The following STXBP5 variants were observed in gnomAD, a reference collection of about 807,000 sequenced individuals.
STXBP5 encodes the protein syntaxin binding protein 5, also known as syntaxin-binding protein 5.
Under a neutral mutation model 152.4 loss-of-function variants are expected in STXBP5, and 50 were observed. That is an observed-to-expected ratio of 0.33 (90% confidence interval 0.26 to 0.42). The LOEUF is 0.42. STXBP5 is among the 10% of genes least tolerant of loss of function. The pLI is 1.00. For synonymous variants in STXBP5, 492 were observed against 494.7 expected (o/e 0.99, Z 0.07); for missense variants, 1,167 against 1,388.6 (o/e 0.84, Z 2.54).
chr6:147,285,055 G>A (rs1330695131), intron 8 of STXBP5, among the ~76,000 whole-genome samples: 1 of 152,044 alleles, frequency 6.6e-6, no homozygotes, highest in East Asian at 1.9e-4. Context: ...GAATCAATAG[G>A]ACTTAAACCA....
intron 8 of STXBP5, among the ~76,000 whole-genome samples, chr6:147,287,548 A>G (rs896545170): frequency 3.9e-5 from 6 of 152,128 alleles, no homozygotes; most frequent in Non-Finnish European, 7.4e-5. Context: ...GATTGTTTGT[A>G]ACTCCTTTTT....
At chr6:147,369,923 C>G (rs1785465465) in intron 25 of STXBP5, among the ~76,000 whole-genome samples, 1 of 151,530 alleles carries the variant, frequency 6.6e-6, no homozygotes, top group African/African-American at 2.4e-5. Context: ...CCACTTTACT[C>G]ATTTTTTTTA....
At chr6:147,243,804 T>C (rs1222321210) in intron 4 of STXBP5, among the ~76,000 whole-genome samples, 1 of 151,542 alleles carries the variant, frequency 6.6e-6, no homozygotes, top group Non-Finnish European at 1.5e-5. Flanking sequence ...TTTTTAATTC[T>C]TTTTTTTGCT....
At chr6:147,317,361 G>A (rs1190996995) in intron 16 of STXBP5, among the ~76,000 whole-genome samples, 1 of 152,068 alleles carries the variant, frequency 6.6e-6, no homozygotes. Flanking sequence ...AAAATACAGA[G>A]TTTTAGAAAA....
At position 147,307,793 on chromosome 6, in the gene STXBP5, T is replaced by A. The variant is rs79746729; in HGVS notation, c.918-2291T>A. Among the ~76,000 whole-genome samples the A allele has an allele frequency of 8.9e-4, 135 of 152,320 alleles. 3 individuals carry two copies. In the East Asian group the frequency reaches 0.019, roughly 21 times the overall value. On this transcript the variant is annotated intron_variant, in intron 9 of 27. Transcript: ENST00000321680. Reference sequence around the variant, plus strand: ...GCATTTCTTTCAAACTGTTTCTCTTTTGTAAATATAAGTTTAGAAAATAAG... The same window carrying A: ...GCATTTCTTTCAAACTGTTTCTCTTATGTAAATATAAGTTTAGAAAATAAG...
intron 5 of STXBP5, among the ~76,000 whole-genome samples, chr6:147,261,846 C>A (rs1419377351): frequency 6.6e-6 from 1 of 151,632 alleles, no homozygotes; most frequent in East Asian, 1.9e-4. Context: ...ACTTCTTTTT[C>A]TCTGAGCAGA....
chr6:147,258,510 T>C (rs1456465307), intron 4 of STXBP5, among the ~76,000 whole-genome samples: 1 of 151,328 alleles, frequency 6.6e-6, no homozygotes, highest in Non-Finnish European at 1.5e-5. Context: ...CTCGGCTCAC[T>C]GCAAGCTCCG....
At chr6:147,366,232 C>A (rs1306893459) in intron 25 of STXBP5, among the ~76,000 whole-genome samples, 1 of 152,176 alleles carries the variant, frequency 6.6e-6, no homozygotes. Context: ...TCAGCACGTA[C>A]ACGTGACTAA....
intron 9 of STXBP5, among the ~76,000 whole-genome samples, chr6:147,295,783 TCC>T (rs879318069): frequency 5.3e-5 from 8 of 152,162 alleles, no homozygotes; most frequent in Non-Finnish European, 1.0e-4. Context: ...TCAAGGAATT[TCC>T]ATGAAGCTGC....
rs1232320293 is a variant in STXBP5 at position 147,271,077 on chromosome 6, C to T, written c.714+3910C>T. On this transcript the variant is annotated intron_variant, in intron 7 of 27. Transcript: ENST00000321680. ...GAAGGGAACAAAGAATAGATGGAAG[C>T]AACAGTGAACAAACAGCAAGATGGT... 2.0e-5 allele frequency among the ~76,000 whole-genome samples: 3 copies of T among 152,000 alleles called. No individual in the cohort carries two copies. The East Asian group carries it at 5.8e-4, about 29-fold the overall frequency.
In STXBP5 at chr6:147,364,062, G is replaced by A. The variant is rs752251760; in HGVS notation, c.2977G>A (p.Ala993Thr). 1 of 1,613,966 alleles carries A rather than the reference G, an allele frequency of 6.2e-7. No individual in the cohort carries two copies. The highest frequency in any genetic ancestry group is 8.5e-7 in the Non-Finnish European group (1 of 1,179,982). ...CTTGCCCCTTACCAATATGCGGATA[G>A]CCAGAACGTTCTGCTTTACCAACAA... ...YYLPLTNMRI[A>T]RTFCFTNNGQ... The change falls in exon 25 of 28, where the codon GCC (alanine) becomes ACC (threonine). Residue 993 changes from alanine to threonine, a missense_variant. By Grantham distance (58) the Ala-to-Thr change is moderately conservative (BLOSUM62 0). Around this residue, in one of 3 missense-constraint regions of STXBP5, gnomAD observed 833 missense variants for 986.3 expected, o/e 0.84. Coordinates refer to ENST00000321680, the MANE Select transcript of STXBP5 (RefSeq NM_001127715.4).
At chr6:147,354,409 T>A (rs578044428) in intron 22 of STXBP5, among the ~76,000 whole-genome samples, 1 of 151,990 alleles carries the variant, frequency 6.6e-6, no homozygotes, top group Non-Finnish European at 1.5e-5. Flanking sequence ...GGAACAAGAG[T>A]TAATCATAGA....
intron 8 of STXBP5, among the ~76,000 whole-genome samples, chr6:147,289,782 T>TA (rs1277594345): frequency 1.3e-5 from 2 of 151,950 alleles, no homozygotes; most frequent in Non-Finnish European, 2.9e-5. Context: ...AATACGGTCT[T>TA]ACGCTGCTGA....
intron 4 of STXBP5, among the ~76,000 whole-genome samples, chr6:147,247,912 A>G (rs1283934877): frequency 6.6e-6 from 1 of 152,186 alleles, no homozygotes; most frequent in Non-Finnish European, 1.5e-5. Context: ...GTATAAAAAG[A>G]TTATATAAAA....
chr6:147,357,431 G>A (rs1784864968), intron 22 of STXBP5, among the ~76,000 whole-genome samples: 1 of 151,972 alleles, frequency 6.6e-6, no homozygotes, highest in Non-Finnish European at 1.5e-5. Flanking sequence ...AGGCCAGGAG[G>A]GTAGATTAAA....
chr6:147,216,428 C>T (rs1236313260), intron 2 of STXBP5, among the ~76,000 whole-genome samples: 7 of 151,950 alleles, frequency 4.6e-5, no homozygotes, highest in South Asian at 2.1e-4. Context: ...TCATAAGGCT[C>T]CCAGAATAAA....
intron 22 of STXBP5, 32 bp from the exon 23 acceptor site, chr6:147,359,052 G>C: frequency 4.4e-6 from 7 of 1,599,514 alleles, no homozygotes; most frequent in Non-Finnish European, 5.1e-6. Flanking sequence ...TTTATAACTT[G>C]AGCAATCTCA....
intron 15 of STXBP5, among the ~76,000 whole-genome samples, chr6:147,315,968 A>T (rs1274306604): frequency 3.3e-5 from 5 of 152,224 alleles, no homozygotes; most frequent in Non-Finnish European, 4.4e-5. Flanking sequence ...GCTAATATGA[A>T]TATGAGTATA....
intron 13 of STXBP5, 67 bp downstream of exon 13, chr6:147,314,398 G>T (rs1782537769): frequency 2.7e-6 from 4 of 1,455,170 alleles, no homozygotes; most frequent in Non-Finnish European, 2.9e-6. Context: ...GAGACTACAT[G>T]AATGTTAACT....
Sources: allele counts gnomAD v4.1 joint callset (sites outside exome capture counted in the v4.1 genomes callset), GRCh38; gene constraint gnomAD v4.1.1; regional missense constraint gnomAD v4.1.1; transcripts MANE v1.5; gene names NCBI Gene and HGNC (gene_info 2026-07-23, HGNC 2026-07-21).